Variants in NRG3 observed in about 807,000 individuals in gnomAD.
The protein encoded by NRG3 is neuregulin 3, also known as pro-neuregulin-3, membrane-bound isoform.
NRG3 carries 31 observed loss-of-function variants against 66.9 expected under a neutral mutation model. That is an observed-to-expected ratio of 0.46 (90% CI 0.35 to 0.63). NRG3 has a LOEUF of 0.63. Among genes scored for constraint, NRG3 ranks in the 20% least tolerant of loss-of-function variants. NRG3 has a pLI of 0.00. For synonymous variants in NRG3, 393 were observed against 359.4 expected, an observed-to-expected ratio of 1.09 and a Z score of -1.06; for missense variants, 910 against 878.9, an observed-to-expected ratio of 1.04 and a Z score of -0.45.
At chr10:82,350,083 C>G (rs2083334800) in intron 1 of NRG3, among the ~76,000 whole-genome samples, 1 of 152,022 alleles carries the variant, frequency 6.6e-6, no homozygotes, top group South Asian at 2.1e-4. Flanking sequence ...CATCTTGGCT[C>G]CTCAAAAAAA....
intron 4 of NRG3, among the ~76,000 whole-genome samples, chr10:82,919,012 A>C (rs1387322603): frequency 6.6e-6 from 1 of 151,236 alleles, no homozygotes; most frequent in Non-Finnish European, 1.5e-5. Flanking sequence ...TAAACCAATC[A>C]CTGGGCCCCA....
chr10:82,389,489 C>T (rs78525943), intron 2 of NRG3, among the ~76,000 whole-genome samples: 1,781 of 152,250 alleles, frequency 0.012, 16 homozygotes, highest in Middle Eastern at 0.062. Context: ...ACATTCTGCT[C>T]AGATTAACTT....
In NRG3 at chr10:82,628,995, T is replaced by G. The variant is rs1427121020; in HGVS notation, c.954-109582T>G. On this transcript the variant is annotated intron_variant, in intron 2 of 8. Coordinates refer to ENST00000372141, the MANE Select transcript of NRG3 (RefSeq NM_001010848.4). ...TCTTGCTGCTGTCTTCCCATAAGGT[T>G]TTTCTGCTTAGACTTTCTGAAATTC... 2.0e-5 allele frequency among the ~76,000 whole-genome samples: 3 copies of G among 152,272 alleles called. No homozygotes were observed. The East Asian group carries it at 5.8e-4, about 29-fold the overall frequency.
chr10:82,433,312 G>T (rs2089942612), intron 2 of NRG3, among the ~76,000 whole-genome samples: 1 of 152,022 alleles, frequency 6.6e-6, no homozygotes, highest in Admixed American at 6.6e-5. Flanking sequence ...TGATGGGGTT[G>T]TTTGTTTTTT....
At chr10:82,484,815 C>T (rs1027755287) in intron 2 of NRG3, among the ~76,000 whole-genome samples, 1 of 152,118 alleles carries the variant, frequency 6.6e-6, no homozygotes, top group Non-Finnish European at 1.5e-5. Flanking sequence ...TAGATCTTTC[C>T]AGGTCTGAGA....
chr10:82,723,922 G>A (rs2251924), intron 2 of NRG3, among the ~76,000 whole-genome samples: 103,599 of 151,846 alleles, frequency 0.68, 35,817 homozygotes, highest in East Asian at 0.84. Flanking sequence ...GGAGGTTGCA[G>A]AGAGCTGAGA....
At chr10:82,033,287 C>T (rs2207773) in intron 1 of NRG3, among the ~76,000 whole-genome samples, 80,284 of 151,882 alleles carry the variant, frequency 0.53, 21,297 homozygotes, top group South Asian at 0.64. Flanking sequence ...AATAATGTAC[C>T]GTAGACAATG....
chr10:82,978,992 G>A lies in NRG3; in HGVS notation c.1455G>A (p.Met485Ile), dbSNP rs764526137. ...SCCSPGQRSGMLHRNAFRRTP... is the reference protein window; with the variant it reads ...SCCSPGQRSGILHRNAFRRTP... ...GCAGCCCAGGGCAAAGAAGTGGCAT[G>A]CTCCATAGGAATGCCTTCAGAAGGA... Residue 485 changes from methionine (M) to isoleucine (I), a missense_variant, in exon 8 of 9, where the codon ATG (methionine) becomes ATA (isoleucine). Transcript: ENST00000372141. The A allele has an allele frequency of 6.2e-7, 1 of 1,614,048 alleles. No homozygotes were observed. The highest frequency in any genetic ancestry group is 1.3e-5 in the African/African-American group (1 of 75,036).
chr10:82,682,443 G>T (rs960037960), intron 2 of NRG3, among the ~76,000 whole-genome samples: 2 of 146,594 alleles, frequency 1.4e-5, no homozygotes, highest in East Asian at 2.0e-4. Flanking sequence ...ATAGATAATA[G>T]ATTAGGAGAT....
In NRG3 at chr10:82,132,468, G is replaced by GATATATATATC. The variant is rs1214093251; in HGVS notation, c.824-226261_824-226260insCATATATATAT. Among the ~76,000 whole-genome samples, 19 of 119,912 alleles carry GATATATATATC rather than the reference G, an allele frequency of 1.6e-4. 1 individual carries two copies. Among genetic ancestry groups the GATATATATATC allele is most frequent in the Middle Eastern group, 8.0e-3 (2 of 250 alleles). The allele number at this position is 119,912 out of a possible 152,430, so 78.7% of individuals were successfully genotyped here. ...TCTTTTATATATATATGATATATAT[G>GATATATATATC]ATATATATATGATATATATATATGA... On this transcript the variant is annotated intron_variant, in intron 1 of 8. Transcript: ENST00000372141.
chr10:82,428,703 A>G (rs781200798), intron 2 of NRG3, among the ~76,000 whole-genome samples: 19 of 151,902 alleles, frequency 1.3e-4, no homozygotes, highest in Non-Finnish European at 2.4e-4. Flanking sequence ...GGAGTGTTTT[A>G]TAGATGTCTG....
At chr10:82,907,661 A>T (rs1298562433) in intron 4 of NRG3, among the ~76,000 whole-genome samples, 1 of 152,194 alleles carries the variant, frequency 6.6e-6, no homozygotes, top group Non-Finnish European at 1.5e-5. Flanking sequence ...GATGTATGTT[A>T]TACAACATAT....
intron 1 of NRG3, among the ~76,000 whole-genome samples, chr10:81,932,247 GGA>G (rs141650195): frequency 5.4e-5 from 8 of 149,490 alleles, no homozygotes; most frequent in Admixed American, 2.0e-4. Flanking sequence ...AGGAGAGAGA[GGA>G]GAGAGAGAGA....
intron 1 of NRG3, among the ~76,000 whole-genome samples, chr10:82,169,628 C>A (rs2072400066): frequency 6.6e-6 from 1 of 151,352 alleles, no homozygotes; most frequent in Admixed American, 6.6e-5. Flanking sequence ...TGTACTCTTC[C>A]TTAAAATATT....
intron 1 of NRG3, among the ~76,000 whole-genome samples, chr10:82,068,458 C>T (rs962216874): frequency 5.9e-5 from 9 of 152,308 alleles, no homozygotes; most frequent in Admixed American, 2.0e-4. Flanking sequence ...GCAAAATAGA[C>T]GTTTCCTGCC....
chr10:82,114,845 G>T (rs972959458), intron 1 of NRG3, among the ~76,000 whole-genome samples: 3 of 152,102 alleles, frequency 2.0e-5, no homozygotes, highest in Non-Finnish European at 4.4e-5. Flanking sequence ...GGCCAAGCCT[G>T]TTTCCTCCTT....
At chr10:82,815,389 T>C (rs561573994) in intron 3 of NRG3, among the ~76,000 whole-genome samples, 6 of 152,316 alleles carry the variant, frequency 3.9e-5, no homozygotes, top group Non-Finnish European at 8.8e-5. Flanking sequence ...TGGGGAAATG[T>C]ATGAGGTGTT....
intron 1 of NRG3, among the ~76,000 whole-genome samples, chr10:82,200,791 G>T (rs185624649): frequency 1.3e-5 from 2 of 152,104 alleles, no homozygotes; most frequent in African/African-American, 4.8e-5. Context: ...ACACTTAGGA[G>T]TTGAGAGTTT....
At chr10:82,507,918 T>G (rs1013710630) in intron 2 of NRG3, among the ~76,000 whole-genome samples, 16 of 152,226 alleles carry the variant, frequency 1.1e-4, no homozygotes, top group Non-Finnish European at 5.9e-5. Flanking sequence ...CAACTCACAC[T>G]GTGACAAAGG....
Sources: allele counts gnomAD v4.1 joint callset (sites outside exome capture counted in the v4.1 genomes callset), GRCh38; gene constraint gnomAD v4.1.1; transcripts MANE v1.5; gene names NCBI Gene and HGNC (gene_info 2026-07-23, HGNC 2026-07-21).